Variants in PPIP5K1 observed in about 807,000 individuals in gnomAD.
PPIP5K1 encodes diphosphoinositol pentakisphosphate kinase 1.
Under a neutral mutation model 27.7 loss-of-function variants are expected in PPIP5K1, and 6 were observed. The ratio of observed to expected loss-of-function variants is 0.22; its 90% confidence interval spans 0.12 to 0.43. The LOEUF (loss-of-function observed/expected upper bound fraction) is 0.43, where lower values mean the gene tolerates loss of function less well. Among genes scored for constraint, PPIP5K1 ranks in the 20% least tolerant of loss-of-function variants. The pLI is 1.00. For synonymous variants in PPIP5K1, 145 were observed against 242.6 expected (o/e 0.60, Z 3.74); for missense variants, 394 against 635.4 (o/e 0.62, Z 4.08).
chr15:43,586,692 C>A, intron 1 of PPIP5K1, among the ~76,000 whole-genome samples: 1 of 104,302 alleles, frequency 9.6e-6, no homozygotes, highest in Non-Finnish European at 2.0e-5. Context: ...CAAAACCCTG[C>A]CTCAAATAAT....
intron 30 of PPIP5K1, among the ~76,000 whole-genome samples, chr15:43,545,333 T>C (rs942495737): frequency 1.3e-5 from 2 of 152,146 alleles, no homozygotes; most frequent in African/African-American, 2.4e-5. Flanking sequence ...AGAGAGTATA[T>C]TGTCAAACTT....
intron 10 of PPIP5K1, among the ~76,000 whole-genome samples, chr15:43,579,383 T>TACACACACACACACACACAC (rs371291746): frequency 1.2e-5 from 1 of 84,316 alleles, no homozygotes; most frequent in Admixed American, 1.0e-4. Flanking sequence ...TTCGATTATA[T>TACACACACACACACACACAC]ACACACACAC....
At chr15:43,542,034 A>G (rs564588766) in intron 30 of PPIP5K1, among the ~76,000 whole-genome samples, 15 of 152,338 alleles carry the variant, frequency 9.8e-5, no homozygotes, top group Non-Finnish European at 1.6e-4. Flanking sequence ...GGTGGCACCA[A>G]CAAGATCTCA....
intron 30 of PPIP5K1, among the ~76,000 whole-genome samples, chr15:43,543,079 C>A (rs1302381131): frequency 2.0e-5 from 3 of 151,428 alleles, no homozygotes; most frequent in African/African-American, 7.3e-5. Flanking sequence ...GCAAGATCAT[C>A]CTGGGCTTTC....
intron 30 of PPIP5K1, among the ~76,000 whole-genome samples, chr15:43,546,096 T>C (rs1432207780): frequency 6.6e-6 from 1 of 152,206 alleles, no homozygotes; most frequent in Non-Finnish European, 1.5e-5. Context: ...TCTCTATGGA[T>C]TTACTTATTC....
intron 30 of PPIP5K1, among the ~76,000 whole-genome samples, chr15:43,549,716 A>G (rs991215058): frequency 6.6e-6 from 1 of 152,132 alleles, no homozygotes; most frequent in African/African-American, 2.4e-5. Flanking sequence ...CATGCCTATA[A>G]CCCCAGCACT....
intron 30 of PPIP5K1, among the ~76,000 whole-genome samples, chr15:43,545,896 C>T (rs572980993): frequency 5.3e-5 from 8 of 152,228 alleles, no homozygotes; most frequent in Non-Finnish European, 7.4e-5. Flanking sequence ...AAAACATTTT[C>T]GTCACCCCAG....
At chr15:43,542,561 G>T (rs565107729) in intron 30 of PPIP5K1, among the ~76,000 whole-genome samples, 3 of 151,518 alleles carry the variant, frequency 2.0e-5, no homozygotes, top group Non-Finnish European at 4.4e-5. Flanking sequence ...AAAGTGCTGG[G>T]ATTACAGGTG....
chr15:43,542,664 G>C lies in PPIP5K1; in HGVS notation c.3557-3081C>G, dbSNP rs550340080. On this transcript the variant is annotated intron_variant, in intron 30 of 31. Coordinates refer to ENST00000420765, the MANE Select transcript of PPIP5K1 (RefSeq NM_001394395.1). ...ATATATTCAGTGTGTGTGTGTGTGTGTGTGTGTGTGTGTGTGTGTGTGTGT... is the reference window on the plus strand; with the variant it reads ...ATATATTCAGTGTGTGTGTGTGTGTCTGTGTGTGTGTGTGTGTGTGTGTGT... Among the ~76,000 whole-genome samples, 161 of 148,790 alleles carry C rather than the reference G, an allele frequency of 1.1e-3. 1 individual carries two copies. The highest frequency in any genetic ancestry group is 3.9e-3 in the African/African-American group (155 of 40,182).
In PPIP5K1 at chr15:43,554,239, C is replaced by T. The variant is rs150564796; in HGVS notation, c.3556+4556G>A. ...GTTTGTGTCATGTATTTTGGGGCTC[C>T]GTTATTTGGTATGTGTTTATAATTG... On this transcript the variant is annotated intron_variant, in intron 30 of 31. Coordinates refer to ENST00000420765, the MANE Select transcript of PPIP5K1 (RefSeq NM_001394395.1). Among the ~76,000 whole-genome samples the T allele has an allele frequency of 3.0e-3, 464 of 152,224 alleles. 2 individuals are homozygous for T. Among genetic ancestry groups the T allele is most frequent in the African/African-American group, 9.4e-3 (392 of 41,540 alleles).
chr15:43,545,014 T>G (rs574586256), intron 30 of PPIP5K1, among the ~76,000 whole-genome samples: 1 of 151,290 alleles, frequency 6.6e-6, no homozygotes, highest in South Asian at 2.1e-4. Flanking sequence ...CCGTCCCTAC[T>G]AAAAATACAA....
chr15:43,551,628 A>G (rs2140896340), intron 30 of PPIP5K1, among the ~76,000 whole-genome samples: 2 of 50,928 alleles, frequency 3.9e-5, no homozygotes, highest in African/African-American at 6.3e-4. Context: ...TTTGAGACGG[A>G]GTCTCGCTCT....
At chr15:43,542,996 A>G (rs2080955317) in intron 30 of PPIP5K1, among the ~76,000 whole-genome samples, 1 of 151,918 alleles carries the variant, frequency 6.6e-6, no homozygotes, top group Non-Finnish European at 1.5e-5. Context: ...TTTAATGCCC[A>G]AATTGTCCCA....
chr15:43,551,240 G>A (rs1166751232), intron 30 of PPIP5K1, among the ~76,000 whole-genome samples: 1 of 151,920 alleles, frequency 6.6e-6, no homozygotes, highest in African/African-American at 2.4e-5. Flanking sequence ...TTTTTTGGCT[G>A]GACGCAGTGG....
At chr15:43,549,929 C>A (rs559964670) in intron 30 of PPIP5K1, among the ~76,000 whole-genome samples, 56 of 152,276 alleles carry the variant, frequency 3.7e-4, no homozygotes, top group Non-Finnish European at 6.6e-4. Context: ...CATGATGGCA[C>A]AACTACACTC....
At chr15:43,547,011 T>C (rs766908923) in intron 30 of PPIP5K1, among the ~76,000 whole-genome samples, 5 of 152,248 alleles carry the variant, frequency 3.3e-5, no homozygotes, top group Non-Finnish European at 5.9e-5. Context: ...TGTACTATTT[T>C]ATACTTCCAT....
intron 30 of PPIP5K1, among the ~76,000 whole-genome samples, chr15:43,546,817 C>A (rs1479872433): frequency 6.6e-6 from 1 of 151,764 alleles, no homozygotes; most frequent in Non-Finnish European, 1.5e-5. Context: ...CCACCATGCC[C>A]AGGTAACTTT....
intron 30 of PPIP5K1, among the ~76,000 whole-genome samples, chr15:43,542,492 T>C (rs1355366812): frequency 6.6e-6 from 1 of 152,116 alleles, no homozygotes; most frequent in Non-Finnish European, 1.5e-5. Flanking sequence ...GGTTTCACCA[T>C]GTTGCCCAGG....
intron 31 of PPIP5K1, among the ~76,000 whole-genome samples, chr15:43,538,426 AAGC>A (rs1484708801): frequency 6.6e-6 from 1 of 152,256 alleles, no homozygotes; most frequent in East Asian, 1.9e-4. Flanking sequence ...AGATGGGAAA[AAGC>A]AGCATCTCAA....
Sources: allele counts gnomAD v4.1 joint callset (sites outside exome capture counted in the v4.1 genomes callset), GRCh38; gene constraint gnomAD v4.1.1; transcripts MANE v1.5; gene names NCBI Gene and HGNC (gene_info 2026-07-23, HGNC 2026-07-21).